MSRA: variants seen among roughly 807,000 people sequenced by gnomAD.
MSRA encodes mitochondrial peptide methionine sulfoxide reductase.
In MSRA, 54 loss-of-function variants were observed where a neutral mutation model predicts 31.3. The ratio of observed to expected loss-of-function variants is 1.73; its 90% CI spans 1.39 to 2.17. The LOEUF is 2.17. Among genes scored for constraint, MSRA ranks in the 30% most tolerant of loss-of-function variants. The pLI is 0.00. For synonymous variants in MSRA, 169 were observed against 116.5 expected (o/e 1.45, Z -2.90); for missense variants, 507 against 300.9 (o/e 1.69, Z -5.07).
chr8:10,086,081 A>G (rs1204802203), intron 1 of MSRA, among the ~76,000 whole-genome samples: 2 of 152,240 alleles, frequency 1.3e-5, no homozygotes, highest in African/African-American at 4.8e-5. Context: ...TGGAGTAGAA[A>G]TAACTGGTTC....
chr8:10,325,309 G>A (rs1306550486), intron 5 of MSRA, among the ~76,000 whole-genome samples: 1 of 151,966 alleles, frequency 6.6e-6, no homozygotes, highest in Non-Finnish European at 1.5e-5. Flanking sequence ...CTTTTATATA[G>A]GTTATATACC....
chr8:10,335,378 C>T (rs1163905653), intron 5 of MSRA, among the ~76,000 whole-genome samples: 1 of 150,886 alleles, frequency 6.6e-6, no homozygotes, highest in East Asian at 2.0e-4. Context: ...TTACCTTGGC[C>T]ATGCCCCGTG....
rs181809175 is a variant in MSRA, at chr8:10,103,009, T to C, written c.142+48351T>C. On this transcript the variant is annotated intron_variant, in intron 1 of 5. Transcript: ENST00000317173. ...CATTCTCAAATTAGGGACTGAGCCT[T>C]CTTTAATCACTAGCTACCCAGAGAT... Among the ~76,000 whole-genome samples, 78 of 152,350 alleles carry C rather than the reference T, an allele frequency of 5.1e-4. No homozygotes were observed. In the East Asian group the frequency reaches 0.014, roughly 27 times the overall value.
intron 5 of MSRA, among the ~76,000 whole-genome samples, chr8:10,341,660 C>A (rs1383478844): frequency 1.3e-5 from 2 of 152,144 alleles, no homozygotes; most frequent in East Asian, 3.9e-4. Flanking sequence ...CTGTTTGAGC[C>A]TGGATAGGTA....
chr8:10,153,878 C>CCT (rs1443161009), intron 1 of MSRA, among the ~76,000 whole-genome samples: 2 of 152,132 alleles, frequency 1.3e-5, no homozygotes, highest in Admixed American at 6.5e-5. Context: ...CTTTAGGATG[C>CCT]CTCTCTCTCT....
chr8:10,284,364 T>C (rs1016233901), intron 3 of MSRA, among the ~76,000 whole-genome samples: 2 of 151,980 alleles, frequency 1.3e-5, no homozygotes, highest in African/African-American at 4.8e-5. Flanking sequence ...AATTTTTTTT[T>C]GGATTTTTAC....
At chr8:10,359,792 T>C (rs532262902) in intron 5 of MSRA, among the ~76,000 whole-genome samples, 1 of 152,318 alleles carries the variant, frequency 6.6e-6, no homozygotes, top group South Asian at 2.1e-4. Context: ...CAGAGGCCCT[T>C]TTGCAAAGTT....
chr8:10,056,524 C>CTTTT, intron 1 of MSRA, among the ~76,000 whole-genome samples: 1 of 138,258 alleles, frequency 7.2e-6, no homozygotes, highest in African/African-American at 2.7e-5. Flanking sequence ...GGCCAGTAAA[C>CTTTT]TTTTTTTTTT....
intron 1 of MSRA, among the ~76,000 whole-genome samples, chr8:10,109,608 C>G (rs575660201): frequency 6.6e-6 from 1 of 152,258 alleles, no homozygotes; most frequent in African/African-American, 2.4e-5. Flanking sequence ...TCCCAAAGTG[C>G]TGGAATTATA....
At chr8:10,150,428 T>G (rs982374343) in intron 1 of MSRA, among the ~76,000 whole-genome samples, 12 of 152,312 alleles carry the variant, frequency 7.9e-5, no homozygotes, top group Middle Eastern at 3.4e-3. Flanking sequence ...TCAGTGATAT[T>G]AAATACATAA....
intron 2 of MSRA, among the ~76,000 whole-genome samples, chr8:10,211,916 G>A (rs1333729276): frequency 6.6e-6 from 1 of 152,100 alleles, no homozygotes; most frequent in Non-Finnish European, 1.5e-5. Context: ...TCAAGAAGAT[G>A]GGTAATTTCA....
intron 3 of MSRA, among the ~76,000 whole-genome samples, chr8:10,268,448 C>A (rs1274307244): frequency 2.0e-5 from 3 of 152,214 alleles, no homozygotes; most frequent in Non-Finnish European, 4.4e-5. Context: ...ACTTCTACTC[C>A]CGAGGTTAGG....
intron 1 of MSRA, among the ~76,000 whole-genome samples, chr8:10,192,411 AGCT>A (rs1164191096): frequency 6.6e-6 from 1 of 152,206 alleles, no homozygotes; most frequent in African/African-American, 2.4e-5. Flanking sequence ...ACCGCAGCCC[AGCT>A]GACACCTTGA....
intron 5 of MSRA, among the ~76,000 whole-genome samples, chr8:10,325,554 C>T (rs1802314304): frequency 6.6e-6 from 1 of 151,936 alleles, no homozygotes; most frequent in East Asian, 1.9e-4. Flanking sequence ...TTTATGAGGC[C>T]CTTTTAAGTT....
chr8:10,285,751 T>C (rs909224665), intron 3 of MSRA, among the ~76,000 whole-genome samples: 31 of 152,156 alleles, frequency 2.0e-4, no homozygotes, highest in Admixed American at 6.6e-5. Context: ...GTATTTATCT[T>C]CCTATGCCTG....
intron 5 of MSRA, among the ~76,000 whole-genome samples, chr8:10,368,046 C>G (rs957264960): frequency 1.3e-5 from 2 of 152,130 alleles, no homozygotes; most frequent in Non-Finnish European, 1.5e-5. Flanking sequence ...GTAGAATTCC[C>G]TGCCCCGCGA....
intron 1 of MSRA, among the ~76,000 whole-genome samples, chr8:10,188,767 T>A (rs116199967): frequency 7.4e-4 from 113 of 152,350 alleles, no homozygotes; most frequent in African/African-American, 2.4e-3. Flanking sequence ...CCACACTGTC[T>A]TGATTACTGT....
intron 3 of MSRA, among the ~76,000 whole-genome samples, chr8:10,266,555 A>G (rs1798757980): frequency 2.0e-5 from 3 of 151,454 alleles, no homozygotes; most frequent in Admixed American, 1.3e-4. Context: ...TTCTCTTAAC[A>G]GTGTTTTTTG....
intron 1 of MSRA, among the ~76,000 whole-genome samples, chr8:10,150,362 C>T (rs1382509833): frequency 1.3e-5 from 2 of 152,044 alleles, no homozygotes; most frequent in East Asian, 1.9e-4. Context: ...ATGTGCACTT[C>T]GATGATAATT....
Sources: gnomAD v4.1 joint callset for allele counts (sites outside exome capture counted in the v4.1 genomes callset) on GRCh38, gnomAD v4.1.1 for gene constraint, MANE v1.5 for transcripts, NCBI Gene and HGNC (gene_info 2026-07-23, HGNC 2026-07-21) for gene names.